The following RPS6KA5 variants were observed in gnomAD, a reference collection of about 807,000 sequenced individuals.
RPS6KA5 encodes the protein ribosomal protein S6 kinase A5.
Under a neutral mutation model 85.5 loss-of-function variants are expected in RPS6KA5, and 27 were observed. The ratio of observed to expected loss-of-function variants is 0.32; its 90% confidence interval spans 0.23 to 0.44. RPS6KA5 has a LOEUF of 0.44. Among genes scored for constraint, RPS6KA5 ranks in the 20% least tolerant of loss-of-function variants. RPS6KA5 has a pLI of 1.00. For synonymous variants in RPS6KA5, 334 were observed against 348.2 expected (o/e 0.96, Z 0.46); for missense variants, 811 against 980.9 (o/e 0.83, Z 2.31).
intron 4 of RPS6KA5, among the ~76,000 whole-genome samples, chr14:90,943,611 A>G (rs1395703444): frequency 6.6e-6 from 1 of 151,968 alleles, no homozygotes; most frequent in Non-Finnish European, 1.5e-5. Context: ...ATCCTACAAC[A>G]CCTATGTTTA....
intron 6 of RPS6KA5, among the ~76,000 whole-genome samples, chr14:90,921,326 C>G (rs2036390993): frequency 1.3e-5 from 2 of 152,110 alleles, no homozygotes; most frequent in South Asian, 4.1e-4. Flanking sequence ...CTATGATGAG[C>G]ACTTTGCATA....
At chr14:90,876,988 T>C (rs970445138) in intron 14 of RPS6KA5, among the ~76,000 whole-genome samples, 2 of 151,944 alleles carry the variant, frequency 1.3e-5, no homozygotes, top group East Asian at 1.9e-4. Context: ...GACAGGCTAA[T>C]AAAAATAACA....
At chr14:90,887,304 C>G in intron 14 of RPS6KA5, among the ~76,000 whole-genome samples, 1 of 152,154 alleles carries the variant, frequency 6.6e-6, no homozygotes, top group Non-Finnish European at 1.5e-5. Context: ...CCTCAGCCTC[C>G]CAAGTAGCTG....
At chr14:91,025,533 TTAA>T (rs1480577043) in intron 1 of RPS6KA5, among the ~76,000 whole-genome samples, 1 of 152,214 alleles carries the variant, frequency 6.6e-6, no homozygotes, top group East Asian at 1.9e-4. Context: ...TTTCAGCTTG[TTAA>T]TATTATTTTG....
intron 16 of RPS6KA5, 95 bp from the exon 17 acceptor site, chr14:90,872,417 C>T (rs570491803): frequency 7.1e-7 from 1 of 1,417,780 alleles, no homozygotes; most frequent in African/African-American, 1.4e-5. Context: ...TTTCCATTGG[C>T]AACTGCAGCC....
At chr14:90,928,876 A>G (rs75487878) in intron 5 of RPS6KA5, among the ~76,000 whole-genome samples, 2,036 of 152,170 alleles carry the variant, frequency 0.013, 57 homozygotes, top group African/African-American at 0.046. Context: ...CCTTGATACT[A>G]AAATGTGACA....
intron 1 of RPS6KA5, among the ~76,000 whole-genome samples, chr14:91,009,523 T>C (rs1292845452): frequency 6.6e-6 from 1 of 152,216 alleles, no homozygotes; most frequent in African/African-American, 2.4e-5. Context: ...GTGCTGGAAT[T>C]ACAGGCATGA....
rs569566875 is a variant in RPS6KA5, at chr14:90,882,954, C to T, written c.1836+7533G>A. ...CTGGGATTATAGGTGTGTGCCACCA[C>T]GCCTGGCTAATTTGTGTATTTTTAG... On this transcript the variant is annotated intron_variant, in intron 14 of 16. Transcript: ENST00000614987. 1.1e-4 allele frequency among the ~76,000 whole-genome samples: 17 copies of T among 152,136 alleles called. No individual in the cohort carries two copies. The South Asian group carries it at 1.5e-3, about 13-fold the overall frequency.
At chr14:91,029,155 C>G (rs937040201) in intron 1 of RPS6KA5, among the ~76,000 whole-genome samples, 3 of 152,134 alleles carry the variant, frequency 2.0e-5, no homozygotes, top group Non-Finnish European at 2.9e-5. Flanking sequence ...ATGACTTATT[C>G]TTTCTTTGTT....
Position 90,863,839 on chromosome 14 carries a change from T to C in RPS6KA5, c.*8235A>G, listed in dbSNP as rs2032688830. 6.6e-6 allele frequency: 1 copy of C among 152,190 alleles called. No individual in the cohort carries two copies. The highest frequency in any genetic ancestry group is 2.1e-4 in the South Asian group (1 of 4,830). 9.4% of individuals were successfully genotyped at this position (152,190 alleles called of 1,614,324 possible). ...AAATTGATTTATACATTCAATGCAA[T>C]ACCAATTAAACCCTAACATCCTCTG... On this transcript the variant is annotated 3_prime_UTR_variant, in exon 17 of 17. Transcript: ENST00000614987.
chr14:90,899,505 AT>A, intron 11 of RPS6KA5, 83 bp from the exon 12 acceptor site: 1 of 871,928 alleles, frequency 1.1e-6, no homozygotes, highest in Non-Finnish European at 1.9e-6. Flanking sequence ...ATTTTGTCTT[AT>A]TTACAGTGCA....
intron 5 of RPS6KA5, among the ~76,000 whole-genome samples, chr14:90,932,874 A>G (rs2037058318): frequency 1.3e-5 from 2 of 152,188 alleles, no homozygotes; most frequent in African/African-American, 4.8e-5. Context: ...TATCTACCCC[A>G]CTTCCTTTTG....
intron 12 of RPS6KA5, 70 bp downstream of exon 12, chr14:90,899,259 A>T: frequency 9.2e-7 from 1 of 1,087,830 alleles, no homozygotes; most frequent in Non-Finnish European, 1.4e-6. Flanking sequence ...CACCAACAAA[A>T]CGCGTGAAAA....
At position 91,023,522 on chromosome 14, in the gene RPS6KA5, T is replaced by C. The variant is rs368324820; in HGVS notation, c.104-22363A>G. Reference sequence around the variant, plus strand: ...GGCTGGTCTTGAACTTCTGACCTCATGATCCACCCACCTCGGCCTCCCAAA... The same window carrying C: ...GGCTGGTCTTGAACTTCTGACCTCACGATCCACCCACCTCGGCCTCCCAAA... On this transcript the variant is annotated intron_variant, in intron 1 of 16. Transcript: ENST00000614987. Among the ~76,000 whole-genome samples the C allele has an allele frequency of 1.3e-4, 20 of 152,278 alleles. No individual in the cohort carries two copies. The East Asian group carries it at 3.7e-3, about 28-fold the overall frequency.
At position 90,868,068 on chromosome 14, in the gene RPS6KA5, T is replaced by C. The variant is rs2032876538; in HGVS notation, c.*4006A>G. On this transcript the variant is annotated 3_prime_UTR_variant, in exon 17 of 17. Transcript: ENST00000614987. The stretch of plus-strand genomic sequence containing the variant: ...AAATATGCTCCCCCAATAAAACACG[T>C]AAATAACTACTCTTAAGGAAAATAT... The C allele has an allele frequency of 1.3e-5, 2 of 152,186 alleles. No individual in the cohort carries two copies. The highest frequency in any genetic ancestry group is 1.3e-4 in the Admixed American group (2 of 15,276). The allele number at this position is 152,186 out of a possible 1,614,324, so 9.4% of individuals were successfully genotyped here.
At chr14:90,872,420 C>T (rs1310324108) in intron 16 of RPS6KA5, 98 bp from the exon 17 acceptor site, 1 of 1,413,516 alleles carries the variant, frequency 7.1e-7, no homozygotes, top group African/African-American at 1.4e-5. Context: ...CCATTGGCAA[C>T]TGCAGCCCCA....
At chr14:91,019,339 T>G (rs1192343615) in intron 1 of RPS6KA5, among the ~76,000 whole-genome samples, 1 of 152,046 alleles carries the variant, frequency 6.6e-6, no homozygotes, top group Non-Finnish European at 1.5e-5. Flanking sequence ...TGTGGGTGAG[T>G]GTCATCCAAT....
At position 90,975,513 on chromosome 14, in the gene RPS6KA5, G is replaced by A. The variant is rs769286501; in HGVS notation, c.394+2793C>T. 9.8e-5 allele frequency among the ~76,000 whole-genome samples: 15 copies of A among 152,316 alleles called. No homozygotes were observed. The Middle Eastern group carries it at 0.01, about 104-fold the overall frequency. ...AAAAAGAGATACCAGGGGCACACAT[G>A]CGTAGGGGGACAACATGTGAAGAGG... On this transcript the variant is annotated intron_variant, in intron 3 of 16. Transcript: ENST00000614987.
At chr14:90,900,757 G>A in intron 9 of RPS6KA5, 21 bp from the exon 10 acceptor site, 1 of 1,587,962 alleles carries the variant, frequency 6.3e-7, no homozygotes, top group Admixed American at 1.8e-5. Context: ...GACAAAGAAA[G>A]ATAAAGAAAA....
Sources: gnomAD v4.1 joint callset for allele counts (sites outside exome capture counted in the v4.1 genomes callset) on GRCh38, gnomAD v4.1.1 for gene constraint, MANE v1.5 for transcripts, NCBI Gene and HGNC (gene_info 2026-07-23, HGNC 2026-07-21) for gene names.